Variants in GLIPR1L1 observed in about 807,000 individuals in gnomAD.
GLIPR1L1 encodes the protein GLIPR1 like 1, also known as GLIPR1-like protein 1.
GLIPR1L1 carries 26 observed loss-of-function variants against 29.9 expected under a neutral mutation model. That is an observed-to-expected ratio of 0.87 (90% CI 0.64 to 1.21). The LOEUF is 1.21. Among genes scored for constraint, GLIPR1L1 ranks in the 50% most tolerant of loss-of-function variants. GLIPR1L1 has a pLI of 0.00. For synonymous variants in GLIPR1L1, 77 were observed against 97.5 expected, an observed-to-expected ratio of 0.79 and a Z score of 1.24; for missense variants, 305 against 290.3, an observed-to-expected ratio of 1.05 and a Z score of -0.37.
At chr12:75,358,089 C>A (rs1342065709) in intron 3 of GLIPR1L1, among the ~76,000 whole-genome samples, 1 of 150,944 alleles carries the variant, frequency 6.6e-6, no homozygotes, top group African/African-American at 2.4e-5. Context: ...TAAAATTTAT[C>A]ATCTGCAAAC....
rs77364047 is a variant in GLIPR1L1 at position 75,369,079 on chromosome 12, T to C, written c.611-881T>C. ...CTTGGTTGGCTTCTTATTTGAGAGA[T>C]ACGCAATATAGCATAACAGTTATAT... is the stretch of plus-strand genomic sequence containing the variant. On this transcript the variant is annotated intron_variant, in intron 4 of 5. Transcript: ENST00000378695. 1.8e-3 allele frequency among the ~76,000 whole-genome samples: 268 copies of C among 152,070 alleles called. 4 individuals are homozygous for C. The East Asian group carries it at 0.046, about 26-fold the overall frequency.
chr12:75,353,023 A>G (rs905751192), intron 3 of GLIPR1L1, among the ~76,000 whole-genome samples: 6 of 152,188 alleles, frequency 3.9e-5, no homozygotes, highest in Non-Finnish European at 8.8e-5. Flanking sequence ...TATAGTGCTA[A>G]ATGCTCACAT....
chr12:75,353,017 G>A (rs1212867539), intron 3 of GLIPR1L1, among the ~76,000 whole-genome samples: 1 of 152,092 alleles, frequency 6.6e-6, no homozygotes, highest in African/African-American at 2.4e-5. Flanking sequence ...GAAATTTATA[G>A]TGCTAAATGC....
intron 2 of GLIPR1L1, among the ~76,000 whole-genome samples, chr12:75,347,361 G>A (rs1381558239): frequency 6.6e-6 from 1 of 151,930 alleles, no homozygotes; most frequent in African/African-American, 2.4e-5. Flanking sequence ...TGTATATTAT[G>A]AATTTGGTTA....
At chr12:75,352,115 C>A (rs1273553889) in intron 3 of GLIPR1L1, among the ~76,000 whole-genome samples, 1 of 152,154 alleles carries the variant, frequency 6.6e-6, no homozygotes, top group Non-Finnish European at 1.5e-5. Context: ...TGCAAAATAA[C>A]CAGCTAGCAT....
intron 3 of GLIPR1L1, among the ~76,000 whole-genome samples, chr12:75,356,906 G>A (rs2043190132): frequency 6.6e-6 from 1 of 152,126 alleles, no homozygotes; most frequent in Non-Finnish European, 1.5e-5. Flanking sequence ...GAAGGCTACA[G>A]TGCTAGGCAC....
chr12:75,370,235 T>C lies in GLIPR1L1; in HGVS notation c.*59T>C. Reference sequence around the variant, plus strand: ...TAAAATAAAGGAATAGTTTATTGCTTAATATAACTTATCATCACTTTGCTT... The same window carrying C: ...TAAAATAAAGGAATAGTTTATTGCTCAATATAACTTATCATCACTTTGCTT... On this transcript the variant is annotated 3_prime_UTR_variant, in exon 6 of 6. Transcript: ENST00000378695. The C allele has an allele frequency of 1.2e-6, 1 of 853,002 alleles. No homozygotes were observed. Among genetic ancestry groups the C allele is most frequent in the Admixed American group, 1.9e-5 (1 of 52,648 alleles). 52.8% of individuals were successfully genotyped at this position (853,002 alleles called of 1,614,324 possible). A position where few individuals can be genotyped will look rare whatever the true frequency, so the allele number is the denominator to read the frequency against.
intron 3 of GLIPR1L1, among the ~76,000 whole-genome samples, chr12:75,352,682 C>T (rs2042892035): frequency 6.6e-6 from 1 of 152,174 alleles, no homozygotes. Flanking sequence ...CTCTCCACCC[C>T]AAAACAACAG....
rs750054991 is a variant in GLIPR1L1, at chr12:75,370,138, C to T, written c.691C>T (p.Pro231Ser). The T allele has an allele frequency of 1.9e-6, 3 of 1,603,236 alleles. No homozygotes were observed. ...AGCACCTCAGCAGACAGCCTTTAAT[C>T]CATTCAGCTTAGGTTTTCTTCTTCT... Reference protein sequence around the residue: ...GRAPQQTAFNPFSLGFLLLRI... With the variant: ...GRAPQQTAFNSFSLGFLLLRI... Residue 231 changes from proline (P) to serine (S), a missense_variant, in exon 6 of 6, where the codon CCA becomes TCA. By Grantham distance (74) the Pro-to-Ser change is moderately conservative. Coordinates refer to ENST00000378695, the MANE Select transcript of GLIPR1L1 (RefSeq NM_001304964.2).
At chr12:75,342,830 T>C (rs1404778576) in intron 1 of GLIPR1L1, among the ~76,000 whole-genome samples, 1 of 152,098 alleles carries the variant, frequency 6.6e-6, no homozygotes, top group Non-Finnish European at 1.5e-5. Flanking sequence ...TTTATTTAAG[T>C]CTTTTACAAC....
At chr12:75,337,503 G>A (rs2041818276) in intron 1 of GLIPR1L1, among the ~76,000 whole-genome samples, 1 of 151,676 alleles carries the variant, frequency 6.6e-6, no homozygotes, top group African/African-American at 2.4e-5. Context: ...GAAAATAAAT[G>A]GACAAATGTC....
At chr12:75,369,439 G>C in intron 4 of GLIPR1L1, 3 of 790,648 alleles carry the variant, frequency 3.8e-6, no homozygotes, top group Non-Finnish European at 4.6e-6. Context: ...ATACGTAGTA[G>C]AAGGTCAAAA....
intron 2 of GLIPR1L1, among the ~76,000 whole-genome samples, chr12:75,346,317 T>C (rs1157779725): frequency 6.6e-6 from 1 of 152,212 alleles, no homozygotes; most frequent in East Asian, 1.9e-4. Context: ...CTTATCTCAT[T>C]TCATTAAGTG....
rs1451941032 is a variant in GLIPR1L1 at position 75,363,096 on chromosome 12, T to A, written c.522-6T>A. On this transcript the variant is annotated splice_polypyrimidine_tract_variant and splice_region_variant and intron_variant, in intron 3 of 5. Transcript: ENST00000378695. ...TTTGGCTAATCAATGTTTCTCTTTT[T>A]TACAGAGGAAATTTTGCAAATATGC... 1.3e-6 allele frequency: 2 copies of A among 1,509,004 alleles called. No homozygotes were observed. Among genetic ancestry groups the A allele is most frequent in the Non-Finnish European group, 1.8e-6 (2 of 1,117,240 alleles). 93.5% of individuals were successfully genotyped at this position (1,509,004 alleles called of 1,614,324 possible).
chr12:75,362,923 A>G (rs926222303), intron 3 of GLIPR1L1, among the ~76,000 whole-genome samples, 179 bp from the exon 4 acceptor site: 1 of 152,176 alleles, frequency 6.6e-6, no homozygotes, highest in Admixed American at 6.5e-5. Context: ...TTCATCCTGT[A>G]AGGAATTGTT....
chr12:75,359,355 G>GTTTTTTTTTTTTTTTTTTT (rs1463566931), intron 3 of GLIPR1L1, among the ~76,000 whole-genome samples: 1 of 46,432 alleles, frequency 2.2e-5, no homozygotes, highest in Non-Finnish European at 4.2e-5. Context: ...CAGCATTGTT[G>GTTTTTTTTTTTTTTTTTTT]TCTTTTTTTT....
chr12:75,347,876 G>T (rs1033320030), intron 3 of GLIPR1L1, among the ~76,000 whole-genome samples, 154 bp downstream of exon 3: 3 of 151,862 alleles, frequency 2.0e-5, no homozygotes, highest in African/African-American at 7.3e-5. Context: ...AATAGAAGAT[G>T]GTGACAGAAT....
chr12:75,361,745 T>C (rs2043609636), intron 3 of GLIPR1L1, among the ~76,000 whole-genome samples: 1 of 152,092 alleles, frequency 6.6e-6, no homozygotes, highest in African/African-American at 2.4e-5. Flanking sequence ...TAGAACTCAC[T>C]CACTATCATA....
At chr12:75,342,947 TATAG>T (rs879508709) in intron 1 of GLIPR1L1, among the ~76,000 whole-genome samples, 2 of 136,156 alleles carry the variant, frequency 1.5e-5, no homozygotes, top group African/African-American at 5.4e-5. Context: ...TTGTAGAATA[TATAG>T]ATATATAATA....
Sources: gnomAD v4.1 joint callset for allele counts (sites outside exome capture counted in the v4.1 genomes callset) on GRCh38, gnomAD v4.1.1 for gene constraint, MANE v1.5 for transcripts, NCBI Gene and HGNC (gene_info 2026-07-23, HGNC 2026-07-21) for gene names.